FLG2: variants seen among roughly 807,000 people sequenced by gnomAD.
FLG2 encodes filaggrin-2.
Under a neutral mutation model 3.9 loss-of-function variants are expected in FLG2, and 7 were observed. That is an observed-to-expected ratio of 1.79 (90% CI 1.02 to 3.36). The LOEUF is 3.36. Among genes scored for constraint, FLG2 ranks in the 30% most tolerant of loss-of-function variants. The pLI is 0.00. For synonymous variants in FLG2, 1,031 were observed against 1,056.1 expected (o/e 0.98, Z 0.46); for missense variants, 2,700 against 2,809.4 (o/e 0.96, Z 0.88).
chr1:152,359,577 T>A (rs1025899673), intron 1 of FLG2, among the ~76,000 whole-genome samples: 14 of 152,096 alleles, frequency 9.2e-5, no homozygotes, highest in Admixed American at 8.5e-4. Flanking sequence ...GATAATTAGA[T>A]CTTGGAGCTC....
chr1:152,353,276 A>G lies in FLG2; in HGVS notation c.4510T>C (p.Ser1504Pro). 1 of 1,566,062 alleles carries G rather than the reference A, an allele frequency of 6.4e-7. No homozygotes were observed. The highest frequency in any genetic ancestry group is 8.7e-7 in the Non-Finnish European group (1 of 1,155,642). The change falls in exon 3 of 3, where the codon TCC becomes CCC. Residue 1504 changes from serine (S) to proline (P), a missense_variant. Transcript: ENST00000388718. ...CCTGAGTGCACTTCACTGTCACTGG[A>G]CTCACTGTGGCCAGATCCCCTTCTT... is the stretch of plus-strand genomic sequence containing the variant. ...TGRRGSGHSE[S>P]SDSEVHSGGS...
rs551341511 is a variant in FLG2 at position 152,352,791 on chromosome 1, G to A, written c.4995C>T (p.Val1665=). Residue 1665 remains valine (V), a synonymous_variant, in exon 3 of 3, where the codon GTC becomes GTT. Transcript: ENST00000388718. ...GAGTGTGTCCTGTATGTGTGTGTGA[G>A]ACCCCTGAGTGCACTTCACTGTCAC... ...ESSDSEVHSG[V]SHTHTGHTHG... is the part of the protein sequence containing the mutation. 9 of 1,613,956 alleles carry A rather than the reference G, an allele frequency of 5.6e-6. No individual in the cohort carries two copies. The East Asian group carries it at 1.8e-4, about 32-fold the overall frequency.
chr1:152,354,139 G>A lies in FLG2; in HGVS notation c.3647C>T (p.Thr1216Ile), dbSNP rs748470777. ...GQYGSGSGQS[T>I]GLGQGESQQV... ...TTGAGATTCACCCTGGCCCAAGCCA[G>A]TTGATTGACCTGAGCCTGAACCATA... Residue 1216 changes from threonine to isoleucine, a missense_variant, in exon 3 of 3, where the codon ACT becomes ATT. Physicochemically the swap from Thr to Ile is moderately conservative, Grantham distance 89 (BLOSUM62 -1). Transcript: ENST00000388718. The A allele has an allele frequency of 3.7e-6, 6 of 1,614,260 alleles. No individual in the cohort carries two copies. The South Asian group carries it at 6.6e-5, about 18-fold the overall frequency.
At position 152,355,714 on chromosome 1, in the gene FLG2, G is replaced by C. The variant is rs74127929; in HGVS notation, c.2072C>G (p.Ser691Cys). ...GCCAAAACCATGTTGGCCATAGCTA[G>C]AATGACCTGATCTAGACTCATGTTG... ...FGQHESRSGH[S>C]SYGQHGFGSS... The change falls in exon 3 of 3, where the codon TCT becomes TGT. Residue 691 changes from serine (S) to cysteine (C), a missense_variant. Transcript: ENST00000388718. The C allele has an allele frequency of 6.2e-7, 1 of 1,613,890 alleles. No individual in the cohort carries two copies. Among genetic ancestry groups the C allele is most frequent in the Non-Finnish European group, 8.5e-7 (1 of 1,180,004 alleles).
rs373811243 is a variant in FLG2 at position 152,353,293 on chromosome 1, C to T, written c.4493G>A (p.Gly1498Glu). The change falls in exon 3 of 3, where the codon GGA becomes GAA. Residue 1498 changes from glycine (G) to glutamate (E), a missense_variant. Coordinates refer to ENST00000388718, the MANE Select transcript of FLG2 (RefSeq NM_001014342.3). Reference protein sequence around the residue: ...QRGSSTTGRRGSGHSESSDSE... With the variant: ...QRGSSTTGRRESGHSESSDSE... ...GTCACTGGACTCACTGTGGCCAGAT[C>T]CCCTTCTTCCAGTTGTACTGGACCC... The T allele has an allele frequency of 7.7e-6, 12 of 1,568,392 alleles. No individual in the cohort carries two copies. The East Asian group carries it at 1.7e-4, about 23-fold the overall frequency.
At position 152,350,509 on chromosome 1, in the gene FLG2, G is replaced by C; in HGVS notation, c.*101C>G. ...TCGAGACTGATACTGAGAATCAACTGAATGTTCATAACTTACCATTGACTG... is the reference window on the plus strand; with the variant it reads ...TCGAGACTGATACTGAGAATCAACTCAATGTTCATAACTTACCATTGACTG... On this transcript the variant is annotated 3_prime_UTR_variant, in exon 3 of 3. Transcript: ENST00000388718. 1 of 1,400,132 alleles carries C rather than the reference G, an allele frequency of 7.1e-7. No homozygotes were observed. The highest frequency in any genetic ancestry group is 9.6e-7 in the Non-Finnish European group (1 of 1,039,630). The allele number at this position is 1,400,132 out of a possible 1,614,324, so 86.7% of individuals were successfully genotyped here.
rs1052864546 is a variant in FLG2, at chr1:152,356,158, T to C, written c.1628A>G (p.Tyr543Cys). ...ACTTGAGCCAGAACCATGTTGGCCA[T>C]AGCTAGACTGACGTGATCTAGACTC... is the stretch of plus-strand genomic sequence containing the variant. Reference protein sequence around the residue: ...QHESRSRQSSYGQHGSGSSQS... With the variant: ...QHESRSRQSSCGQHGSGSSQS... The change falls in exon 3 of 3, where the codon TAT becomes TGT. Residue 543 changes from tyrosine (Y) to cysteine (C), a missense_variant. Coordinates refer to ENST00000388718, the MANE Select transcript of FLG2 (RefSeq NM_001014342.3). 4 of 1,614,084 alleles carry C rather than the reference T, an allele frequency of 2.5e-6. No homozygotes were observed. Among genetic ancestry groups the C allele is most frequent in the Non-Finnish European group, 3.4e-6 (4 of 1,180,024 alleles).
chr1:152,357,026 T>C lies in FLG2; in HGVS notation c.760A>G (p.Thr254Ala), dbSNP rs749404287. The C allele has an allele frequency of 3.7e-6, 6 of 1,614,160 alleles. No homozygotes were observed. Among genetic ancestry groups the C allele is most frequent in the Non-Finnish European group, 5.1e-6 (6 of 1,180,014 alleles). ...TTTTGTTCTCTAATTCTTGACTGAG[T>C]AGAGTTTGATTCATGCCCACTAGTC... ...LETSGHESNS[T>A]QSRIREQKLG... The change falls in exon 3 of 3, where the codon ACT becomes GCT. Residue 254 changes from threonine (T) to alanine (A), a missense_variant. Thr to Ala is a moderately conservative substitution (Grantham distance 58). Coordinates refer to ENST00000388718, the MANE Select transcript of FLG2 (RefSeq NM_001014342.3).
chr1:152,350,987 C>T lies in FLG2; in HGVS notation c.6799G>A (p.Gly2267Ser). 6 of 1,613,596 alleles carry T rather than the reference C, an allele frequency of 3.7e-6. No individual in the cohort carries two copies. The Middle Eastern group carries it at 8.2e-4, about 222-fold the overall frequency. ...ATGTGTCCTGAATGTGTGTGTGAGC[C>T]CCATGAGTGCACTTCACTGTCACTG... is the stretch of plus-strand genomic sequence containing the variant. ...ESSDSEVHSW[G>S]SHTHSGHIQG... The change falls in exon 3 of 3, where the codon GGC becomes AGC. Residue 2267 changes from glycine (G) to serine (S), a missense_variant. Transcript: ENST00000388718.
In FLG2 at chr1:152,351,835, G is replaced by T. The variant is rs199899373; in HGVS notation, c.5951C>A (p.Pro1984Gln). Residue 1984 changes from proline (P) to glutamine (Q), a missense_variant, in exon 3 of 3, where the codon CCA becomes CAA. Transcript: ENST00000388718. ...HTHGQAGSHY[P>Q]ESGSSVHERH... ...CTCATGAACTGAGGATCCTGACTCT[G>T]GATAGTGAGATCCAGCTTGACCGTG... The T allele has an allele frequency of 4.4e-6, 7 of 1,605,668 alleles. No homozygotes were observed. The South Asian group carries it at 7.7e-5, about 18-fold the overall frequency.
Position 152,352,785 on chromosome 1 carries a change from G to A in FLG2, c.5001C>T (p.His1667=), listed in dbSNP as rs1570938186. The change falls in exon 3 of 3, where the codon CAC becomes CAT. Residue 1667 remains histidine, a synonymous_variant. Coordinates refer to ENST00000388718, the MANE Select transcript of FLG2 (RefSeq NM_001014342.3). ...GACCATGAGTGTGTCCTGTATGTGTGTGTGAGACCCCTGAGTGCACTTCAC... is the reference window on the plus strand; with the variant it reads ...GACCATGAGTGTGTCCTGTATGTGTATGTGAGACCCCTGAGTGCACTTCAC... The part of the protein sequence containing the change: ...SDSEVHSGVS[H]THTGHTHGQA... 6.2e-7 allele frequency: 1 copy of A among 1,612,644 alleles called. No homozygotes were observed. The highest frequency in any genetic ancestry group is 8.5e-7 in the Non-Finnish European group (1 of 1,179,596).
rs1557899172 is a variant in FLG2 at position 152,355,734 on chromosome 1, A to T, written c.2052T>A (p.His684Gln). 1.2e-6 allele frequency: 2 copies of T among 1,613,750 alleles called. No homozygotes were observed. Among genetic ancestry groups the T allele is most frequent in the East Asian group, 2.2e-5 (1 of 44,846 alleles). The change falls in exon 3 of 3, where the codon CAT becomes CAA. Residue 684 changes from histidine to glutamine, a missense_variant. Coordinates refer to ENST00000388718, the MANE Select transcript of FLG2 (RefSeq NM_001014342.3). ...AGCTAGAATGACCTGATCTAGACTC[A>T]TGTTGTCCAAAACCAGAGGATTGTC... The part of the protein sequence containing the change: ...GSGQSSGFGQ[H>Q]ESRSGHSSYG...
chr1:152,351,355 T>G lies in FLG2; in HGVS notation c.6431A>C (p.Gln2144Pro), dbSNP rs1653912103. The G allele has an allele frequency of 6.2e-7, 1 of 1,613,874 alleles. No individual in the cohort carries two copies. The highest frequency in any genetic ancestry group is 2.2e-5 in the East Asian group (1 of 44,840). ...GESGSAIHGR[Q>P]GTIHGQTGDT... ...TCCTGTCTGTCCATGTATAGTTCCC[T>G]GTCTCCCGTGAATGGCAGATCCTGA... The change falls in exon 3 of 3, where the codon CAG (glutamine) becomes CCG (proline). Residue 2144 changes from glutamine to proline, a missense_variant. Physicochemically the swap from Gln to Pro is moderately conservative, Grantham distance 76. Coordinates refer to ENST00000388718, the MANE Select transcript of FLG2 (RefSeq NM_001014342.3).
In FLG2 at chr1:152,356,424, G is replaced by A; in HGVS notation, c.1362C>T (p.Gly454=). The change falls in exon 3 of 3, where the codon GGC becomes GGT. Residue 454 remains glycine, a synonymous_variant. Transcript: ENST00000388718. ...ATTGACTTGATGTAGACTCATGCTG[G>A]CCACAAGTTTGACCTGAGCCACATA... ...QHVCGSGQTC[G]QHESTSSQSL... 6.2e-7 allele frequency: 1 copy of A among 1,614,162 alleles called. No individual in the cohort carries two copies.
rs1176495352 is a variant in FLG2, at chr1:152,350,717, C to T, written c.7069G>A (p.Gly2357Arg). Residue 2357 changes from glycine (G) to arginine (R), a missense_variant, in exon 3 of 3, where the codon GGG (glycine) becomes AGG (arginine). By Grantham distance (125) the Gly-to-Arg change is moderately radical. Transcript: ENST00000388718. ...GSYGPAEYDY[G>R]HTGYGPSGGS... Reference sequence around the variant, plus strand: ...CCAGAAGGCCCATACCCAGTGTGCCCATAGTCATATTCTGCAGGTCCATAG... The same window carrying T: ...CCAGAAGGCCCATACCCAGTGTGCCTATAGTCATATTCTGCAGGTCCATAG... 1.9e-6 allele frequency: 3 copies of T among 1,614,188 alleles called. No individual in the cohort carries two copies. Among genetic ancestry groups the T allele is most frequent in the Admixed American group, 3.3e-5 (2 of 60,032 alleles).
In FLG2 at chr1:152,352,663, T is replaced by A. The variant is rs1467356239; in HGVS notation, c.5123A>T (p.Tyr1708Phe). ...QTGDTTRHAH[Y>F]HHGLTTQTGS... ...TGTCTGTGTGGTTAATCCATGATGA[T>A]AGTGGGCATGTCTAGTGGTATCTCC... is the stretch of plus-strand genomic sequence containing the variant. Residue 1708 changes from tyrosine (Y) to phenylalanine (F), a missense_variant, in exon 3 of 3, where the codon TAT becomes TTT. Transcript: ENST00000388718. 9 of 1,608,322 alleles carry A rather than the reference T, an allele frequency of 5.6e-6. No individual in the cohort carries two copies. Among genetic ancestry groups the A allele is most frequent in the African/African-American group, 1.4e-5 (1 of 73,152 alleles).
chr1:152,350,837 G>T lies in FLG2; in HGVS notation c.6949C>A (p.Gln2317Lys). ...HGHSGYGQST[Q>K]TGSRSSRASH... is the part of the protein sequence containing the mutation. ...GCTCTACTAGATCTGGAACCTGTCT[G>T]TGTGGATTGTCCATAACCAGAATGG... The change falls in exon 3 of 3, where the codon CAG becomes AAG. Residue 2317 changes from glutamine (Q) to lysine (K), a missense_variant. By Grantham distance (53) the Gln-to-Lys change is moderately conservative (BLOSUM62 1). Coordinates refer to ENST00000388718, the MANE Select transcript of FLG2 (RefSeq NM_001014342.3). 6.2e-7 allele frequency: 1 copy of T among 1,614,182 alleles called. No individual in the cohort carries two copies. Among genetic ancestry groups the T allele is most frequent in the Non-Finnish European group, 8.5e-7 (1 of 1,180,044 alleles).
intron 2 of FLG2, 28 bp downstream of exon 2, chr1:152,358,719 G>T (rs1017581391): frequency 6.2e-7 from 1 of 1,605,828 alleles, no homozygotes; most frequent in Non-Finnish European, 8.5e-7. Flanking sequence ...GACTCCAGCA[G>T]CCTTCAGTTC....
chr1:152,355,186 T>C lies in FLG2; in HGVS notation c.2600A>G (p.Gln867Arg), dbSNP rs1374623316. The C allele has an allele frequency of 6.4e-7, 1 of 1,571,692 alleles. No individual in the cohort carries two copies. Among genetic ancestry groups the C allele is most frequent in the Non-Finnish European group, 8.6e-7 (1 of 1,158,500 alleles). Reference protein sequence around the residue: ...GYGQHGSSSGQTSGFGQHRSS... With the variant: ...GYGQHGSSSGRTSGFGQHRSS... ...CCTGTGTTGTCCAAAGCCAGATGTCTGTCCCGAACTTGACCCATGTTGACC... is the reference window on the plus strand; with the variant it reads ...CCTGTGTTGTCCAAAGCCAGATGTCCGTCCCGAACTTGACCCATGTTGACC... Residue 867 changes from glutamine to arginine, a missense_variant, in exon 3 of 3, where the codon CAG becomes CGG. Physicochemically the swap from Gln to Arg is conservative, Grantham distance 43 (BLOSUM62 1). Coordinates refer to ENST00000388718, the MANE Select transcript of FLG2 (RefSeq NM_001014342.3).
Sources: allele counts gnomAD v4.1 joint callset (sites outside exome capture counted in the v4.1 genomes callset), GRCh38; gene constraint gnomAD v4.1.1; transcripts MANE v1.5; gene names NCBI Gene and HGNC (gene_info 2026-07-23, HGNC 2026-07-21).